SLC2A9: variants seen among roughly 807,000 people sequenced by gnomAD.
The protein encoded by SLC2A9 is solute carrier family 2, facilitated glucose transporter member 9.
SLC2A9 carries 39 observed loss-of-function variants against 50.6 expected under a neutral mutation model. That is an observed-to-expected ratio of 0.77 (90% CI 0.60 to 1.01). SLC2A9 has a LOEUF of 1.01. Ranked by LOEUF, SLC2A9 falls within the 50% of genes least tolerant of loss-of-function variation. SLC2A9 has a pLI of 0.00. For synonymous variants in SLC2A9, 324 were observed against 276.9 expected (o/e 1.17, Z -1.69); for missense variants, 686 against 677.6 (o/e 1.01, Z -0.14).
At chr4:9,885,101 T>C (rs1027319667) in intron 10 of SLC2A9, among the ~76,000 whole-genome samples, 1 of 152,254 alleles carries the variant, frequency 6.6e-6, no homozygotes, top group Non-Finnish European at 1.5e-5. Flanking sequence ...TGTCGATAAG[T>C]ACAGCAAACC....
At chr4:9,817,070 C>T (rs758719988) in intron 3 of SLC2A9, among the ~76,000 whole-genome samples, 73 of 152,078 alleles carry the variant, frequency 4.8e-4, no homozygotes, top group Admixed American at 9.2e-4. Flanking sequence ...AAATCTTTTT[C>T]TCTCTCTCTC....
intron 3 of SLC2A9, among the ~76,000 whole-genome samples, chr4:9,804,751 G>C (rs1463732834): frequency 6.6e-6 from 1 of 152,234 alleles, no homozygotes; most frequent in Non-Finnish European, 1.5e-5. Context: ...GGACAGGAGA[G>C]AATTGCTTGG....
intron 10 of SLC2A9, among the ~76,000 whole-genome samples, chr4:9,843,257 G>A (rs976244927): frequency 6.6e-6 from 1 of 152,200 alleles, no homozygotes; most frequent in African/African-American, 2.4e-5. Flanking sequence ...TCTTTGCTAT[G>A]CCATCTATTC....
chr4:9,900,059 A>G (rs1230830501), intron 8 of SLC2A9, among the ~76,000 whole-genome samples: 1 of 152,182 alleles, frequency 6.6e-6, no homozygotes, highest in African/African-American at 2.4e-5. Context: ...TTGGGCAAGT[A>G]GAAAAAAAAA....
intron 10 of SLC2A9, among the ~76,000 whole-genome samples, chr4:9,873,068 C>A (rs192703365): frequency 1.3e-5 from 2 of 152,290 alleles, no homozygotes; most frequent in Non-Finnish European, 2.9e-5. Context: ...CCTTTTTGCA[C>A]CATAGCAATT....
chr4:9,933,068 A>G (rs1746433110), intron 6 of SLC2A9, among the ~76,000 whole-genome samples: 1 of 152,222 alleles, frequency 6.6e-6, no homozygotes, highest in South Asian at 2.1e-4. Context: ...CAGCAGTGTC[A>G]GTAAGAGATG....
At chr4:10,023,380 C>T (rs565552976), upstream of SLC2A9, among the ~76,000 whole-genome samples, 9 of 152,314 alleles carry the variant, frequency 5.9e-5, no homozygotes, top group East Asian at 1.5e-3. Context: ...TTCATCATCT[C>T]ATTTACCCCT....
intron 1 of SLC2A9, among the ~76,000 whole-genome samples, chr4:10,028,161 G>A (rs1288416720): frequency 6.6e-6 from 1 of 152,182 alleles, no homozygotes; most frequent in African/African-American, 2.4e-5. Context: ...TCTGCCCTCA[G>A]CTCCCTCATC....
chr4:9,927,383 C>T (rs1449930076), intron 6 of SLC2A9, among the ~76,000 whole-genome samples: 2 of 152,236 alleles, frequency 1.3e-5, no homozygotes, highest in African/African-American at 4.8e-5. Context: ...ACTTTGTCAC[C>T]TCTTTTATCA....
intron 8 of SLC2A9, among the ~76,000 whole-genome samples, chr4:9,901,675 C>G (rs1025127721): frequency 1.3e-5 from 2 of 152,044 alleles, no homozygotes; most frequent in Non-Finnish European, 2.9e-5. Flanking sequence ...GCCCCATGCC[C>G]CCCCACCAGC....
intron 3 of SLC2A9, among the ~76,000 whole-genome samples, chr4:9,807,445 T>A (rs377582267): frequency 7.7e-4 from 117 of 152,326 alleles, no homozygotes; most frequent in Middle Eastern, 3.4e-3. Context: ...ATGCCTCTTG[T>A]TTGAGCTTCC....
At chr4:9,825,531 ATG>A (rs35944600), downstream of SLC2A9, among the ~76,000 whole-genome samples, 106,528 of 145,128 alleles carry the variant, frequency 0.73, 38,262 homozygotes, top group Admixed American at 0.82. Flanking sequence ...ATTAATCACA[ATG>A]TTTTTTTTTT....
intron 7 of SLC2A9, among the ~76,000 whole-genome samples, chr4:9,914,221 G>C (rs562965261): frequency 6.2e-4 from 95 of 152,288 alleles, no homozygotes; most frequent in African/African-American, 2.2e-3. Context: ...AGGGCAAGTG[G>C]AATTACCCGA....
chr4:9,895,210 C>G (rs145646742), intron 8 of SLC2A9, among the ~76,000 whole-genome samples: 2 of 152,268 alleles, frequency 1.3e-5, no homozygotes, highest in African/African-American at 4.8e-5. Flanking sequence ...GAACCAGTAA[C>G]TTGAGCCAAT....
chr4:9,837,799 C>T (rs1275874325), intron 10 of SLC2A9, among the ~76,000 whole-genome samples: 1 of 152,182 alleles, frequency 6.6e-6, no homozygotes, highest in Non-Finnish European at 1.5e-5. Flanking sequence ...CCCTAAGCAA[C>T]CATGAGGAGC....
intron 2 of SLC2A9, among the ~76,000 whole-genome samples, chr4:10,016,449 G>A (rs1196904124): frequency 1.3e-5 from 2 of 152,156 alleles, no homozygotes; most frequent in East Asian, 1.9e-4. Flanking sequence ...GTACATGGAG[G>A]AGGGCCGGCA....
chr4:9,864,849 G>C (rs907523984), intron 10 of SLC2A9, among the ~76,000 whole-genome samples: 3 of 152,276 alleles, frequency 2.0e-5, no homozygotes, highest in Non-Finnish European at 2.9e-5. Context: ...TGCAGATGTG[G>C]TTAAGTCGAG....
chr4:9,915,922 AT>A (rs1742771640), intron 7 of SLC2A9, among the ~76,000 whole-genome samples: 1 of 152,230 alleles, frequency 6.6e-6, no homozygotes, highest in Non-Finnish European at 1.5e-5. Context: ...ACAAAACTTG[AT>A]TTGGGCTCCA....
At chr4:10,023,180 G>A (rs565044296), upstream of SLC2A9, among the ~76,000 whole-genome samples, 3 of 152,230 alleles carry the variant, frequency 2.0e-5, no homozygotes, top group Admixed American at 6.5e-5. Context: ...AGAAGGATAC[G>A]GGGTGAGAGG....
Sources: gnomAD v4.1 joint callset for allele counts (sites outside exome capture counted in the v4.1 genomes callset) on GRCh38, gnomAD v4.1.1 for gene constraint, MANE v1.5 for transcripts, NCBI Gene and HGNC (gene_info 2026-07-23, HGNC 2026-07-21) for gene names.